ITGA9: variants seen among roughly 807,000 people sequenced by gnomAD.
ITGA9 encodes integrin subunit alpha 9, also known as integrin alpha-9.
ITGA9 carries 56 observed loss-of-function variants against 127.8 expected under a neutral mutation model. That is an observed-to-expected ratio of 0.44 (90% confidence interval 0.35 to 0.55). ITGA9 has a LOEUF of 0.55. ITGA9 is among the 20% of genes least tolerant of loss of function. The pLI is 0.00. For missense variants in ITGA9, 1,196 were observed against 1,347.1 expected (o/e 0.89, Z 1.76); for synonymous variants, 508 against 514.5 (o/e 0.99, Z 0.17).
At chr3:37,559,009 T>C (rs922215121) in intron 15 of ITGA9, among the ~76,000 whole-genome samples, 3 of 152,196 alleles carry the variant, frequency 2.0e-5, no homozygotes, top group Admixed American at 6.5e-5. Context: ...GATATTTGTG[T>C]TTTATCTTCT....
At chr3:37,717,075 A>G (rs962217544) in intron 18 of ITGA9, among the ~76,000 whole-genome samples, 4 of 152,200 alleles carry the variant, frequency 2.6e-5, no homozygotes, top group African/African-American at 7.2e-5. Flanking sequence ...GGCATTTCCT[A>G]AAGCTTCAGC....
At chr3:37,477,438 C>G (rs115156842) in intron 3 of ITGA9, among the ~76,000 whole-genome samples, 2,611 of 152,342 alleles carry the variant, frequency 0.017, 68 homozygotes, top group African/African-American at 0.058. Context: ...GCAACCAGCT[C>G]TGGCAAGGAC....
intron 18 of ITGA9, among the ~76,000 whole-genome samples, chr3:37,720,825 T>G (rs1045837377): frequency 1.3e-5 from 2 of 152,210 alleles, no homozygotes; most frequent in Admixed American, 6.5e-5. Flanking sequence ...ATGTAAAGAT[T>G]AGTCCTAAGC....
At chr3:37,470,858 C>A in intron 1 of ITGA9, 149 bp from the exon 2 acceptor site, 1 of 781,440 alleles carries the variant, frequency 1.3e-6, no homozygotes, top group East Asian at 2.9e-5. Flanking sequence ...TTTAGGACCT[C>A]TCCCCCAAGC....
intron 23 of ITGA9, among the ~76,000 whole-genome samples, chr3:37,759,134 A>G (rs576472441): frequency 6.6e-6 from 1 of 152,004 alleles, no homozygotes; most frequent in Non-Finnish European, 1.5e-5. Context: ...CATACATGCA[A>G]TATATATTTT....
At chr3:37,457,666 A>T (rs1003268374) in intron 1 of ITGA9, among the ~76,000 whole-genome samples, 10 of 152,084 alleles carry the variant, frequency 6.6e-5, no homozygotes, top group African/African-American at 2.2e-4. Flanking sequence ...CTGCTTTCTC[A>T]AGCTCTCAAG....
chr3:37,608,934 T>C (rs1409499501), intron 15 of ITGA9, among the ~76,000 whole-genome samples: 2 of 152,210 alleles, frequency 1.3e-5, no homozygotes, highest in Non-Finnish European at 2.9e-5. Context: ...CACTGGAAGC[T>C]GGTGTTTTGT....
intron 17 of ITGA9, among the ~76,000 whole-genome samples, chr3:37,665,100 G>A (rs1160761798): frequency 6.6e-6 from 1 of 151,710 alleles, no homozygotes; most frequent in Non-Finnish European, 1.5e-5. Flanking sequence ...AGCCTCCCGA[G>A]TAGCTGGGAT....
chr3:37,779,224 C>A (rs2844393), intron 24 of ITGA9, among the ~76,000 whole-genome samples: 33,145 of 152,022 alleles, frequency 0.22, 4,083 homozygotes, highest in Middle Eastern at 0.35. Flanking sequence ...CCCGCCTCAG[C>A]CTCCCCAGCA....
At chr3:37,611,364 A>C (rs1700014595) in intron 15 of ITGA9, among the ~76,000 whole-genome samples, 2 of 152,160 alleles carry the variant, frequency 1.3e-5, no homozygotes, top group Admixed American at 1.3e-4. Flanking sequence ...CAGGAGGAGC[A>C]AGCCATCTCC....
intron 15 of ITGA9, among the ~76,000 whole-genome samples, chr3:37,557,068 G>C (rs1255946293): frequency 6.6e-6 from 1 of 152,214 alleles, no homozygotes; most frequent in African/African-American, 2.4e-5. Flanking sequence ...CTTCACTGCA[G>C]TGTTTTTGGA....
intron 18 of ITGA9, among the ~76,000 whole-genome samples, chr3:37,710,949 G>A (rs1701073303): frequency 6.6e-6 from 1 of 152,206 alleles, no homozygotes; most frequent in Non-Finnish European, 1.5e-5. Context: ...CAAATCACAT[G>A]TCAAAACCTA....
At chr3:37,785,135 T>C (rs1463255513) in intron 26 of ITGA9, 57 bp downstream of exon 26, 19 of 1,186,972 alleles carry the variant, frequency 1.6e-5, no homozygotes. Flanking sequence ...CTGGGTGACT[T>C]GGAGACCTGG....
intron 15 of ITGA9, among the ~76,000 whole-genome samples, chr3:37,576,430 T>C (rs1455771452): frequency 6.6e-6 from 1 of 152,228 alleles, no homozygotes; most frequent in African/African-American, 2.4e-5. Flanking sequence ...TTCATTTTGT[T>C]ATGAGAGATT....
At chr3:37,728,015 G>A (rs995651172) in intron 18 of ITGA9, among the ~76,000 whole-genome samples, 1 of 152,196 alleles carries the variant, frequency 6.6e-6, no homozygotes, top group Non-Finnish European at 1.5e-5. Flanking sequence ...GCATTGTATT[G>A]TAGTCAGATA....
chr3:37,473,274 G>A, intron 2 of ITGA9, 80 bp from the exon 3 acceptor site: 1 of 1,015,188 alleles, frequency 9.9e-7, no homozygotes, highest in East Asian at 2.4e-5. Flanking sequence ...TTTCCTCATA[G>A]GGCTGTGGAC....
chr3:37,781,197 C>G (rs1044819369), intron 25 of ITGA9, among the ~76,000 whole-genome samples: 41 of 152,344 alleles, frequency 2.7e-4, no homozygotes, highest in African/African-American at 4.6e-4. Context: ...CTCCAGTTGC[C>G]ACAAGCACCC....
In ITGA9 at chr3:37,502,212, TC is replaced by T. The variant is rs1698793606; in HGVS notation, c.613-965del. Among the ~76,000 whole-genome samples, 4 of 146,066 alleles carry T rather than the reference TC, an allele frequency of 2.7e-5. No individual in the cohort carries two copies. In the South Asian group the frequency reaches 6.5e-4, roughly 24 times the overall value. On this transcript the variant is annotated intron_variant, in intron 5 of 27. Transcript: ENST00000264741. ...CAGCTGTGCCTCTTATGTTCTTGAG[TC>T]TTTTTTTTTTTTTTTTTTTTTGGCA...
intron 23 of ITGA9, among the ~76,000 whole-genome samples, chr3:37,770,529 C>A (rs1175775765): frequency 6.6e-6 from 1 of 152,150 alleles, no homozygotes; most frequent in Non-Finnish European, 1.5e-5. Flanking sequence ...AATGCCATTT[C>A]CTCCAAGCCG....
Sources: gnomAD v4.1 joint callset for allele counts (sites outside exome capture counted in the v4.1 genomes callset) on GRCh38, gnomAD v4.1.1 for gene constraint, MANE v1.5 for transcripts, NCBI Gene and HGNC (gene_info 2026-07-23, HGNC 2026-07-21) for gene names.